The following GRID1 variants were observed in gnomAD, a reference collection of about 807,000 sequenced individuals.
GRID1 encodes glutamate ionotropic receptor delta type subunit 1.
In GRID1, 28 loss-of-function variants were observed where a neutral mutation model predicts 98.0. The ratio of observed to expected loss-of-function variants is 0.29; its 90% CI spans 0.21 to 0.39. The LOEUF is 0.39. GRID1 is among the 10% of genes least tolerant of loss of function. GRID1 has a pLI of 1.00. For synonymous variants in GRID1, 553 were observed against 538.5 expected (o/e 1.03, Z -0.37); for missense variants, 1,111 against 1,340.5 (o/e 0.83, Z 2.67).
At position 85,643,088 on chromosome 10, in the gene GRID1, T is replaced by C. The variant is rs567733387; in HGVS notation, c.2193+4114A>G. Among the ~76,000 whole-genome samples the C allele has an allele frequency of 1.2e-4, 19 of 152,126 alleles. No individual in the cohort carries two copies. The South Asian group carries it at 3.9e-3, about 32-fold the overall frequency. ...AGCCTTAGGACTCCCAAGGAGAAAA[T>C]AACAGCATACCATCCATACCAACCT... On this transcript the variant is annotated intron_variant, in intron 13 of 15. Transcript: ENST00000327946.
chr10:85,882,909 T>C (rs989616376), intron 5 of GRID1, among the ~76,000 whole-genome samples: 2 of 152,164 alleles, frequency 1.3e-5, no homozygotes, highest in East Asian at 3.9e-4. Context: ...TACCCAGATA[T>C]GGACTTTTAA....
chr10:85,698,747 T>A (rs144790530), intron 12 of GRID1, among the ~76,000 whole-genome samples: 131 of 152,384 alleles, frequency 8.6e-4, no homozygotes, highest in African/African-American at 3.1e-3. Context: ...GCGAACTGTC[T>A]GCCAAAGTGG....
chr10:86,100,338 T>C (rs770070307), intron 4 of GRID1, among the ~76,000 whole-genome samples: 1 of 152,164 alleles, frequency 6.6e-6, no homozygotes, highest in African/African-American at 2.4e-5. Context: ...AATAAATTCT[T>C]AGCATAACCC....
In GRID1 at chr10:85,601,908, C is replaced by T. The variant is rs1842581114; in HGVS notation, c.*365G>A. Reference sequence around the variant, plus strand: ...TTCCTCGTCTTCCCTTCTCCCCCAGCAGAGAGGGGCTCCTTATCTGGTCGC... The same window carrying T: ...TTCCTCGTCTTCCCTTCTCCCCCAGTAGAGAGGGGCTCCTTATCTGGTCGC... On this transcript the variant is annotated 3_prime_UTR_variant, in exon 16 of 16. Transcript: ENST00000327946. 1 of 198,606 alleles carries T rather than the reference C, an allele frequency of 5.0e-6. No homozygotes were observed. Among genetic ancestry groups the T allele is most frequent in the Non-Finnish European group, 1.0e-5 (1 of 98,632 alleles). 12.3% of individuals were successfully genotyped at this position (198,606 alleles called of 1,614,324 possible).
chr10:85,878,620 G>A (rs538639304), intron 5 of GRID1, among the ~76,000 whole-genome samples: 2,380 of 152,226 alleles, frequency 0.016, 71 homozygotes, highest in African/African-American at 0.054. Flanking sequence ...CCTGAAGGAA[G>A]CACTGAACAT....
chr10:86,239,696 T>TCTTCTCC (rs1321167676), intron 2 of GRID1, among the ~76,000 whole-genome samples: 1 of 152,226 alleles, frequency 6.6e-6, no homozygotes, highest in Non-Finnish European at 1.5e-5. Flanking sequence ...GCTCTTGCTC[T>TCTTCTCC]CTTCTCCCTT....
At chr10:86,062,188 T>C (rs1396928381) in intron 4 of GRID1, among the ~76,000 whole-genome samples, 1 of 152,214 alleles carries the variant, frequency 6.6e-6, no homozygotes, top group Non-Finnish European at 1.5e-5. Flanking sequence ...CCTGGGGCTC[T>C]TATTCAGAGA....
At chr10:86,223,301 T>A (rs1374458952) in intron 2 of GRID1, among the ~76,000 whole-genome samples, 1 of 152,086 alleles carries the variant, frequency 6.6e-6, no homozygotes, top group Non-Finnish European at 1.5e-5. Context: ...CCAGACACCT[T>A]CCCTGGAAAG....
intron 4 of GRID1, among the ~76,000 whole-genome samples, chr10:86,058,133 G>C (rs1199241595): frequency 6.6e-6 from 1 of 152,116 alleles, no homozygotes; most frequent in African/African-American, 2.4e-5. Flanking sequence ...AGAGAGGAAG[G>C]GAGGAAGCTG....
intron 13 of GRID1, among the ~76,000 whole-genome samples, chr10:85,634,115 G>A (rs1843005812): frequency 6.6e-6 from 1 of 151,344 alleles, no homozygotes; most frequent in Admixed American, 6.6e-5. Context: ...AGGTGGCGGT[G>A]AGCCAAGATT....
At chr10:85,918,727 C>A (rs541612497) in intron 4 of GRID1, among the ~76,000 whole-genome samples, 1 of 152,322 alleles carries the variant, frequency 6.6e-6, no homozygotes, top group South Asian at 2.1e-4. Flanking sequence ...ATATAGGAGA[C>A]AACTTTCTGA....
intron 2 of GRID1, among the ~76,000 whole-genome samples, chr10:86,308,493 G>A (rs1847790190): frequency 6.6e-6 from 1 of 152,148 alleles, no homozygotes; most frequent in African/African-American, 2.4e-5. Flanking sequence ...AGTGACTGTG[G>A]GTCACTGTTC....
At chr10:85,806,549 GA>G (rs575485360) in intron 8 of GRID1, among the ~76,000 whole-genome samples, 12 of 145,814 alleles carry the variant, frequency 8.2e-5, no homozygotes, top group South Asian at 2.2e-4. Flanking sequence ...CCCAAGTTTG[GA>G]AAAAAAAACA....
chr10:85,983,088 G>A (rs1842565448), intron 4 of GRID1, among the ~76,000 whole-genome samples: 2 of 152,242 alleles, frequency 1.3e-5, no homozygotes, highest in Non-Finnish European at 2.9e-5. Context: ...AAAGCTGCCT[G>A]AGTGGAGAGC....
intron 1 of GRID1, 130 bp from the exon 2 acceptor site, chr10:86,364,226 T>A: frequency 1.4e-6 from 1 of 711,810 alleles, no homozygotes; most frequent in Non-Finnish European, 2.4e-6. Context: ...GGATTTCAGC[T>A]TGGCGGGGTA....
At position 85,647,495 on chromosome 10, in the gene GRID1, G is replaced by A. The variant is rs115340467; in HGVS notation, c.1998-98C>T. 1,539 of 885,658 alleles carry A rather than the reference G, an allele frequency of 1.7e-3. 15 individuals are homozygous for A. Among genetic ancestry groups the A allele is most frequent in the African/African-American group, 0.017 (1,028 of 60,174 alleles). 54.9% of individuals were successfully genotyped at this position (885,658 alleles called of 1,614,324 possible). A position where few individuals can be genotyped will look rare whatever the true frequency, so the allele number is the denominator to read the frequency against. ...CAAGGCCCTTCTGAACTCCAAGCCC[G>A]GCATGGCCCACTATCCACATTCTTC... On this transcript the variant is annotated intron_variant, in intron 12 of 15. Coordinates refer to ENST00000327946, the MANE Select transcript of GRID1 (RefSeq NM_017551.3).
rs147635084 is a variant in GRID1 at position 86,183,463 on chromosome 10, G to A, written c.520+22901C>T. Among the ~76,000 whole-genome samples the A allele has an allele frequency of 5.8e-3, 884 of 152,178 alleles. 8 individuals carry two copies. Among genetic ancestry groups the A allele is most frequent in the African/African-American group, 0.02 (842 of 41,500 alleles). The stretch of plus-strand genomic sequence containing the variant: ...CATCCACTGCCTCCCAGATTCAAGC[G>A]ATTCATCTGCCTCAGCCTCCCAAGT... On this transcript the variant is annotated intron_variant, in intron 3 of 15. Coordinates refer to ENST00000327946, the MANE Select transcript of GRID1 (RefSeq NM_017551.3).
intron 4 of GRID1, among the ~76,000 whole-genome samples, chr10:86,061,681 T>A (rs894200820): frequency 2.6e-5 from 4 of 152,142 alleles, no homozygotes; most frequent in African/African-American, 9.7e-5. Flanking sequence ...AGCCTGCTTC[T>A]GTCCCTCCTG....
At chr10:85,718,592 T>C (rs1841665609) in intron 12 of GRID1, among the ~76,000 whole-genome samples, 1 of 152,262 alleles carries the variant, frequency 6.6e-6, no homozygotes, top group Non-Finnish European at 1.5e-5. Flanking sequence ...GCTTGGGGCT[T>C]CCACCCTCTG....
Sources: allele counts gnomAD v4.1 joint callset (sites outside exome capture counted in the v4.1 genomes callset), GRCh38; gene constraint gnomAD v4.1.1; transcripts MANE v1.5; gene names NCBI Gene and HGNC (gene_info 2026-07-23, HGNC 2026-07-21).